MCF2L2: variants seen among roughly 807,000 people sequenced by gnomAD.
MCF2L2 encodes MCF.2 cell line derived transforming sequence-like 2, also known as probable guanine nucleotide exchange factor MCF2L2.
A neutral mutation model predicts 150.2 loss-of-function variants in MCF2L2; 102 were observed. The ratio of observed to expected loss-of-function variants is 0.68; its 90% confidence interval spans 0.58 to 0.80. The LOEUF is 0.80. Ranked by LOEUF, MCF2L2 falls within the 30% of genes least tolerant of loss-of-function variation. MCF2L2 has a pLI of 0.00. For missense variants in MCF2L2, 1,256 were observed against 1,372.8 expected (o/e 0.91, Z 1.34); for synonymous variants, 465 against 491.3 (o/e 0.95, Z 0.71).
chr3:183,261,533 G>A (rs1725583503), intron 15 of MCF2L2, among the ~76,000 whole-genome samples: 1 of 152,066 alleles, frequency 6.6e-6, no homozygotes, highest in South Asian at 2.1e-4. Flanking sequence ...GTGACTCACC[G>A]GAGGAGCCTT....
chr3:183,214,440 T>C (rs1722840042), intron 22 of MCF2L2, among the ~76,000 whole-genome samples: 1 of 152,060 alleles, frequency 6.6e-6, no homozygotes, highest in Non-Finnish European at 1.5e-5. Context: ...GCAAACCCCA[T>C]GGGGCTAAGT....
intron 3 of MCF2L2, among the ~76,000 whole-genome samples, chr3:183,371,297 C>T (rs1327451470): frequency 6.6e-6 from 1 of 152,128 alleles, no homozygotes; most frequent in Non-Finnish European, 1.5e-5. Context: ...GTGCTGGAGG[C>T]ACAGCTTGCT....
rs1726317130 is a variant in MCF2L2, at chr3:183,267,903, T to G, written c.1862+8969A>C. On this transcript the variant is annotated intron_variant, in intron 15 of 29. Transcript: ENST00000328913. The surrounding 1 kb of genome is among the most constrained non-coding windows in gnomAD (Gnocchi z 5.5). The stretch of plus-strand genomic sequence containing the variant: ...GTGGCTCCACCCCCGGCATGGTTCT[T>G]TGCACCAACATTTGGGGAATGCCTA... Among the ~76,000 whole-genome samples, 1 of 152,152 alleles carries G rather than the reference T, an allele frequency of 6.6e-6. No individual in the cohort carries two copies.
At chr3:183,245,026 T>G (rs1181974283) in intron 15 of MCF2L2, among the ~76,000 whole-genome samples, 1 of 152,150 alleles carries the variant, frequency 6.6e-6, no homozygotes, top group Non-Finnish European at 1.5e-5. Context: ...CTTTCTCAGA[T>G]TCTGTTTCTT....
intron 9 of MCF2L2, chr3:183,310,529 G>T: frequency 3.7e-6 from 1 of 272,238 alleles, no homozygotes. Context: ...GTGTGATGGT[G>T]GGGCATGCCT....
intron 17 of MCF2L2, among the ~76,000 whole-genome samples, chr3:183,228,774 TC>T (rs1165219420): frequency 4.6e-5 from 7 of 152,184 alleles, no homozygotes; most frequent in African/African-American, 1.4e-4. Flanking sequence ...ACTGATGCTC[TC>T]TCTTACATGA....
At chr3:183,363,361 G>C (rs1326953992) in intron 3 of MCF2L2, among the ~76,000 whole-genome samples, 1 of 152,104 alleles carries the variant, frequency 6.6e-6, no homozygotes, top group Non-Finnish European at 1.5e-5. Context: ...ACAAAAACCT[G>C]CACACAGATG....
At chr3:183,233,102 G>A (rs1048586300) in intron 15 of MCF2L2, among the ~76,000 whole-genome samples, 9 of 152,154 alleles carry the variant, frequency 5.9e-5, no homozygotes, top group African/African-American at 2.2e-4. Flanking sequence ...TGTAATCCCA[G>A]CACTCTGGGA....
At chr3:183,307,690 G>A (rs1729164606) in intron 10 of MCF2L2, among the ~76,000 whole-genome samples, 1 of 152,248 alleles carries the variant, frequency 6.6e-6, no homozygotes, top group Non-Finnish European at 1.5e-5. Flanking sequence ...AAGAAAGAAT[G>A]TGATGCAGTC....
intron 14 of MCF2L2, among the ~76,000 whole-genome samples, chr3:183,280,573 C>A (rs1727412041): frequency 6.6e-6 from 1 of 151,970 alleles, no homozygotes; most frequent in Middle Eastern, 3.5e-3. Context: ...CTGGGCCAGG[C>A]GTGGTGGCTC....
intron 5 of MCF2L2, among the ~76,000 whole-genome samples, chr3:183,327,170 CA>C (rs1402790629): frequency 6.6e-6 from 1 of 151,450 alleles, no homozygotes; most frequent in Admixed American, 6.6e-5. Context: ...ACTAAAAATA[CA>C]AAAATTAGCC....
chr3:183,270,774 T>C lies in MCF2L2; in HGVS notation c.1862+6098A>G, dbSNP rs766561846. Reference sequence around the variant, plus strand: ...AAAAATGATGACATCTCATGGACACTTAGAAGATCTCCAGGACCTTTGGAA... The same window carrying C: ...AAAAATGATGACATCTCATGGACACCTAGAAGATCTCCAGGACCTTTGGAA... On this transcript the variant is annotated intron_variant, in intron 15 of 29. Transcript: ENST00000328913. The surrounding 1 kb of genome is among the most constrained non-coding windows in gnomAD (Gnocchi z 4.5). The C allele has an allele frequency of 9.9e-6, 16 of 1,613,854 alleles. No individual in the cohort carries two copies. The highest frequency in any genetic ancestry group is 1.3e-5 in the African/African-American group (1 of 74,908).
intron 3 of MCF2L2, among the ~76,000 whole-genome samples, chr3:183,366,225 C>A (rs941167134): frequency 2.0e-5 from 3 of 152,180 alleles, no homozygotes; most frequent in Non-Finnish European, 4.4e-5. Context: ...TTATCAGTAA[C>A]ACTGGATGCT....
intron 5 of MCF2L2, 75 bp from the exon 6 acceptor site, chr3:183,323,426 T>C (rs1487650696): frequency 3.1e-6 from 2 of 639,646 alleles, no homozygotes; most frequent in Non-Finnish European, 5.3e-6. Context: ...TCTATTCTTA[T>C]CATAATTATA....
chr3:183,245,361 T>C (rs1267310231), intron 15 of MCF2L2, among the ~76,000 whole-genome samples: 1 of 151,812 alleles, frequency 6.6e-6, no homozygotes, highest in Non-Finnish European at 1.5e-5. Context: ...CCATGAGGAG[T>C]AAACTCCAGC....
In MCF2L2 at chr3:183,309,851, G is replaced by A; in HGVS notation, c.994-16C>T. 1 of 1,612,816 alleles carries A rather than the reference G, an allele frequency of 6.2e-7. No individual in the cohort carries two copies. Among genetic ancestry groups the A allele is most frequent in the Non-Finnish European group, 8.5e-7 (1 of 1,179,954 alleles). ...CAAGCTTAGCCTACAAGAAACATTA[G>A]AACAGTCCAGAAGTAAACCAACACT... On this transcript the variant is annotated splice_polypyrimidine_tract_variant and intron_variant, in intron 9 of 29. Transcript: ENST00000328913.
intron 21 of MCF2L2, among the ~76,000 whole-genome samples, chr3:183,219,172 A>T (rs932717138): frequency 6.6e-6 from 1 of 152,218 alleles, no homozygotes; most frequent in African/African-American, 2.4e-5. Context: ...AAGGCATAAC[A>T]TATAGAAATT....
At chr3:183,417,026 C>T (rs1715627099) in intron 1 of MCF2L2, among the ~76,000 whole-genome samples, 2 of 136,784 alleles carry the variant, frequency 1.5e-5, no homozygotes, top group African/African-American at 5.4e-5. Context: ...GCAGGAGAAT[C>T]ATTTGAACCA....
chr3:183,219,609 T>TA (rs35673274), intron 21 of MCF2L2, among the ~76,000 whole-genome samples: 78,030 of 146,930 alleles, frequency 0.53, 21,006 homozygotes, highest in East Asian at 0.69. Context: ...AGACTTTGTC[T>TA]AAAAAAAAAA....
Sources: gnomAD v4.1 joint callset for allele counts (sites outside exome capture counted in the v4.1 genomes callset) on GRCh38, gnomAD v4.1.1 for gene constraint, Gnocchi (gnomAD v3.1) non-coding constraint, MANE v1.5 for transcripts, NCBI Gene and HGNC (gene_info 2026-07-23, HGNC 2026-07-21) for gene names.